The following HPSE2 variants were observed in gnomAD, a reference collection of about 807,000 sequenced individuals.
HPSE2 encodes the protein heparanase 2 (inactive).
HPSE2 carries 38 observed loss-of-function variants against 60.5 expected under a neutral mutation model. That is an observed-to-expected ratio of 0.63 (90% confidence interval 0.48 to 0.82). HPSE2 has a LOEUF of 0.82. Among genes scored for constraint, HPSE2 ranks in the 40% least tolerant of loss-of-function variants. The pLI is 0.00. For missense variants in HPSE2, 713 were observed against 740.4 expected (o/e 0.96, Z 0.43); for synonymous variants, 295 against 293.2 (o/e 1.01, Z -0.06).
chr10:98,845,975 T>G (rs995617239), intron 3 of HPSE2, among the ~76,000 whole-genome samples: 5 of 152,216 alleles, frequency 3.3e-5, no homozygotes, highest in African/African-American at 4.8e-5. Flanking sequence ...CTTGAACAGA[T>G]GCAGAATAAG....
intron 3 of HPSE2, among the ~76,000 whole-genome samples, chr10:99,115,509 G>C (rs768540718): frequency 6.6e-6 from 1 of 151,452 alleles, no homozygotes; most frequent in African/African-American, 2.4e-5. Context: ...TGCCCAGGCT[G>C]TTCTTGAACT....
intron 2 of HPSE2, among the ~76,000 whole-genome samples, chr10:99,181,315 G>A (rs1354908461): frequency 4.8e-5 from 7 of 146,778 alleles, no homozygotes; most frequent in Admixed American, 6.8e-5. Flanking sequence ...GGAGAATGGC[G>A]TGAACCCGGG....
intron 3 of HPSE2, among the ~76,000 whole-genome samples, chr10:98,749,559 G>A (rs767309006): frequency 1.7e-4 from 25 of 151,302 alleles, no homozygotes; most frequent in Non-Finnish European, 2.8e-4. Context: ...AGATTATATA[G>A]TATATAATAG....
intron 3 of HPSE2, among the ~76,000 whole-genome samples, chr10:98,978,176 T>G (rs1007959038): frequency 6.6e-6 from 1 of 152,126 alleles, no homozygotes; most frequent in Non-Finnish European, 1.5e-5. Context: ...AAAATACTGT[T>G]AAAGCCTTCA....
intron 3 of HPSE2, among the ~76,000 whole-genome samples, chr10:99,105,672 T>C (rs1382331664): frequency 6.6e-6 from 1 of 152,074 alleles, no homozygotes; most frequent in Non-Finnish European, 1.5e-5. Flanking sequence ...CTAGCTGTTA[T>C]GGTTATGTCT....
At chr10:98,863,371 G>GTGTGTC (rs1195978252) in intron 3 of HPSE2, among the ~76,000 whole-genome samples, 1 of 152,134 alleles carries the variant, frequency 6.6e-6, no homozygotes, top group Non-Finnish European at 1.5e-5. Context: ...GTATGTATCT[G>GTGTGTC]TGTGTCTGTG....
rs28485550 is a variant in HPSE2, at chr10:98,476,490, G to T, written c.1613+6146C>A. On this transcript the variant is annotated intron_variant, in intron 11 of 11. Coordinates refer to ENST00000370552, the MANE Select transcript of HPSE2 (RefSeq NM_021828.5). ...GTATAATAATAATAAAAAAGAAAAA[G>T]AAAAAAAAAAGGGTCTGAGGCCAGG... is the stretch of plus-strand genomic sequence containing the variant. Among the ~76,000 whole-genome samples, 3 of 145,640 alleles carry T rather than the reference G, an allele frequency of 2.1e-5. No homozygotes were observed. The East Asian group carries it at 6.0e-4, about 29-fold the overall frequency.
chr10:98,627,537 A>G (rs1589531438), intron 7 of HPSE2, among the ~76,000 whole-genome samples: 7 of 152,086 alleles, frequency 4.6e-5, no homozygotes. Flanking sequence ...AGGGGCATGG[A>G]CTCTGGAGAT....
chr10:98,747,948 T>C (rs566283908), intron 3 of HPSE2, among the ~76,000 whole-genome samples: 98 of 152,288 alleles, frequency 6.4e-4, no homozygotes, highest in African/African-American at 2.3e-3. Flanking sequence ...ATCCTTTGTG[T>C]TGCATAAAAG....
intron 3 of HPSE2, among the ~76,000 whole-genome samples, chr10:98,976,764 C>G (rs1272464360): frequency 6.6e-6 from 1 of 151,310 alleles, no homozygotes; most frequent in Non-Finnish European, 1.5e-5. Context: ...TTCAAAATAT[C>G]CATATCAAAT....
At chr10:98,812,555 G>A (rs927447941) in intron 3 of HPSE2, among the ~76,000 whole-genome samples, 2 of 152,008 alleles carry the variant, frequency 1.3e-5, no homozygotes, top group Admixed American at 6.6e-5. Flanking sequence ...GAAAAGCAAG[G>A]CACATATGTA....
intron 6 of HPSE2, among the ~76,000 whole-genome samples, chr10:98,679,024 A>G (rs1261269955): frequency 6.6e-6 from 1 of 152,196 alleles, no homozygotes; most frequent in Admixed American, 6.5e-5. Flanking sequence ...TTGGTATTAG[A>G]AAACAGAAGG....
intron 6 of HPSE2, among the ~76,000 whole-genome samples, chr10:98,652,606 G>A (rs1946948156): frequency 6.6e-6 from 1 of 152,156 alleles, no homozygotes; most frequent in South Asian, 2.1e-4. Flanking sequence ...TGTCACTTGA[G>A]TGGCAAACCA....
chr10:98,706,545 A>G (rs1442029113), intron 5 of HPSE2, among the ~76,000 whole-genome samples: 1 of 152,226 alleles, frequency 6.6e-6, no homozygotes, highest in East Asian at 1.9e-4. Flanking sequence ...GTACAGTAAG[A>G]GGACCTCAGT....
intron 9 of HPSE2, among the ~76,000 whole-genome samples, chr10:98,524,600 G>A (rs1942904683): frequency 6.6e-6 from 1 of 152,162 alleles, no homozygotes; most frequent in Non-Finnish European, 1.5e-5. Context: ...GGAAAGATAA[G>A]GCAACTAGTT....
chr10:99,307,867 C>CACAA, the HPSE2 span, among the ~76,000 whole-genome samples: 1 of 151,416 alleles, frequency 6.6e-6, no homozygotes, highest in African/African-American at 2.4e-5. Flanking sequence ...CACACACACA[C>CACAA]AAATGGCTAC....
chr10:98,902,686 G>A (rs1953699111), intron 3 of HPSE2, among the ~76,000 whole-genome samples: 1 of 151,936 alleles, frequency 6.6e-6, no homozygotes, highest in African/African-American at 2.4e-5. Context: ...ACTGATTTTT[G>A]GTGCATTTAA....
At chr10:98,771,806 C>A (rs200983354) in intron 3 of HPSE2, among the ~76,000 whole-genome samples, 2 of 152,062 alleles carry the variant, frequency 1.3e-5, no homozygotes, top group Non-Finnish European at 2.9e-5. Context: ...TAGAGGTCTG[C>A]AAAAAGTAAT....
intron 3 of HPSE2, among the ~76,000 whole-genome samples, chr10:98,901,567 G>A (rs549168131): frequency 6.6e-6 from 1 of 152,294 alleles, no homozygotes; most frequent in African/African-American, 2.4e-5. Flanking sequence ...TTTCCATGCT[G>A]AGTCTAAATA....
Sources: allele counts gnomAD v4.1 joint callset (sites outside exome capture counted in the v4.1 genomes callset), GRCh38; gene constraint gnomAD v4.1.1; transcripts MANE v1.5; gene names NCBI Gene and HGNC (gene_info 2026-07-23, HGNC 2026-07-21).